The following HPSE2 variants were observed in gnomAD, a reference collection of about 807,000 sequenced individuals.
HPSE2 encodes inactive heparanase-2.
Under a neutral mutation model 60.5 loss-of-function variants are expected in HPSE2, and 38 were observed. The ratio of observed to expected loss-of-function variants is 0.63; its 90% CI spans 0.48 to 0.82. The LOEUF is 0.82. HPSE2 is among the 40% of genes least tolerant of loss of function. HPSE2 has a pLI of 0.00. For missense variants in HPSE2, 713 were observed against 740.4 expected (o/e 0.96, Z 0.43); for synonymous variants, 295 against 293.2 (o/e 1.01, Z -0.06).
intron 3 of HPSE2, among the ~76,000 whole-genome samples, chr10:98,815,968 A>G (rs539509597): frequency 5.8e-4 from 83 of 143,490 alleles, no homozygotes; most frequent in African/African-American, 1.9e-3. Flanking sequence ...ATAGGTGGGA[A>G]TTGAACAATG....
At chr10:98,762,440 G>C (rs1950027436) in intron 3 of HPSE2, among the ~76,000 whole-genome samples, 1 of 152,168 alleles carries the variant, frequency 6.6e-6, no homozygotes, top group African/African-American at 2.4e-5. Flanking sequence ...GAGAACACTG[G>C]AGAAGGGGAC....
intron 3 of HPSE2, among the ~76,000 whole-genome samples, chr10:98,887,145 T>C (rs1366730569): frequency 9.9e-5 from 15 of 152,174 alleles, no homozygotes. Context: ...AATGGTCTTA[T>C]AGAACACAAA....
In HPSE2 at chr10:98,459,725, T is replaced by A. The variant is rs397515452; in HGVS notation, c.1628A>T (p.Asn543Ile). ...GTCCACCATCACTAAGGGCTGGCCATTCAGTTGCACTGACCTACAGTGAGG... is the reference window on the plus strand; with the variant it reads ...GTCCACCATCACTAAGGGCTGGCCAATCAGTTGCACTGACCTACAGTGAGG... ...EGLKSKSVQL[N>I]GQPLVMVDDG... Residue 543 changes from asparagine (N) to isoleucine (I), a missense_variant, in exon 12 of 12, where the codon AAT becomes ATT. Coordinates refer to ENST00000370552, the MANE Select transcript of HPSE2 (RefSeq NM_021828.5). 1.2e-6 allele frequency: 2 copies of A among 1,613,706 alleles called. No homozygotes were observed. Among genetic ancestry groups the A allele is most frequent in the South Asian group, 2.2e-5 (2 of 90,994 alleles).
chr10:98,496,106 T>G (rs1941829454), intron 9 of HPSE2, among the ~76,000 whole-genome samples: 1 of 152,020 alleles, frequency 6.6e-6, no homozygotes, highest in Non-Finnish European at 1.5e-5. Flanking sequence ...TATTGTAGGC[T>G]GCCTCTGTGC....
At chr10:99,308,379 C>CAAAAAAAAAAAAA in the HPSE2 span, among the ~76,000 whole-genome samples, 40 of 28,118 alleles carry the variant, frequency 1.4e-3, 3 homozygotes, top group African/African-American at 3.6e-3. Flanking sequence ...GACTCTGTCT[C>CAAAAAAAAAAAAA]AAAAAAAAAA....
At chr10:99,040,909 A>G (rs1957722974) in intron 3 of HPSE2, among the ~76,000 whole-genome samples, 1 of 151,976 alleles carries the variant, frequency 6.6e-6, no homozygotes, top group African/African-American at 2.4e-5. Context: ...ACACAGTGAA[A>G]CCCTGTCTCT....
chr10:99,105,226 T>C (rs1844195321), intron 3 of HPSE2, among the ~76,000 whole-genome samples: 1 of 152,078 alleles, frequency 6.6e-6, no homozygotes, highest in Admixed American at 6.5e-5. Flanking sequence ...ACAGATAGTA[T>C]TTATGTGTCT....
chr10:98,605,930 A>G (rs1320577217), intron 9 of HPSE2, among the ~76,000 whole-genome samples: 1 of 152,182 alleles, frequency 6.6e-6, no homozygotes, highest in Non-Finnish European at 1.5e-5. Context: ...CAGCCTCTCT[A>G]ATGGCTGCCT....
At chr10:98,691,307 A>G (rs1055970477) in intron 6 of HPSE2, among the ~76,000 whole-genome samples, 5 of 152,162 alleles carry the variant, frequency 3.3e-5, no homozygotes, top group Non-Finnish European at 5.9e-5. Context: ...CTTGCTTTTT[A>G]GGGTATTTTT....
chr10:98,561,165 G>GTTTTTTTTTTTTGT, intron 9 of HPSE2, among the ~76,000 whole-genome samples: 1 of 145,068 alleles, frequency 6.9e-6, no homozygotes, highest in South Asian at 2.2e-4. Flanking sequence ...TTTTTTTTTT[G>GTTTTTTTTTTTTGT]TTCTTTTTTT....
At chr10:99,071,006 A>G (rs1228148644) in intron 3 of HPSE2, among the ~76,000 whole-genome samples, 1 of 151,646 alleles carries the variant, frequency 6.6e-6, no homozygotes. Flanking sequence ...CCTGTTCTCA[A>G]TTATTTTGTA....
chr10:99,285,502 A>AGG, the HPSE2 span, among the ~76,000 whole-genome samples: 1 of 102,154 alleles, frequency 9.8e-6, no homozygotes, highest in African/African-American at 4.6e-5. Context: ...GAGGGAGGGA[A>AGG]AGGAAAGGGA....
At chr10:99,151,073 A>G (rs1462317466) in intron 2 of HPSE2, among the ~76,000 whole-genome samples, 1 of 152,144 alleles carries the variant, frequency 6.6e-6, no homozygotes, top group African/African-American at 2.4e-5. Context: ...AAAAAGATAT[A>G]AAGTCCAAAT....
intron 3 of HPSE2, among the ~76,000 whole-genome samples, chr10:98,996,252 C>T (rs1277558613): frequency 6.6e-6 from 1 of 152,092 alleles, no homozygotes; most frequent in Non-Finnish European, 1.5e-5. Flanking sequence ...TGGGAACTTG[C>T]AACTCTTCTG....
chr10:98,821,643 C>T (rs761275583), intron 3 of HPSE2, among the ~76,000 whole-genome samples: 37 of 152,142 alleles, frequency 2.4e-4, no homozygotes, highest in Non-Finnish European at 1.2e-4. Context: ...CACCAACAGC[C>T]GTTACGCCTT....
chr10:98,990,182 G>C (rs1009520961), intron 3 of HPSE2, among the ~76,000 whole-genome samples: 1 of 152,182 alleles, frequency 6.6e-6, no homozygotes, highest in Non-Finnish European at 1.5e-5. Flanking sequence ...CTTGCCATTT[G>C]CTGATAGGGT....
chr10:99,253,897 C>T, the HPSE2 span, among the ~76,000 whole-genome samples: 16 of 152,088 alleles, frequency 1.1e-4, no homozygotes, highest in African/African-American at 3.9e-4. Context: ...CAAATAAAAC[C>T]ACAATGAGTT....
intron 5 of HPSE2, among the ~76,000 whole-genome samples, chr10:98,710,391 C>T (rs988985733): frequency 1.8e-4 from 27 of 152,036 alleles, no homozygotes; most frequent in African/African-American, 4.3e-4. Flanking sequence ...ATATGTTTGT[C>T]GACTTTAATG....
At chr10:98,862,721 C>T (rs866744856) in intron 3 of HPSE2, among the ~76,000 whole-genome samples, 18 of 152,154 alleles carry the variant, frequency 1.2e-4, no homozygotes, top group African/African-American at 4.3e-4. Flanking sequence ...TAAGGAGGGG[C>T]GATTAGGACT....
Sources: gnomAD v4.1 joint callset for allele counts (sites outside exome capture counted in the v4.1 genomes callset) on GRCh38, gnomAD v4.1.1 for gene constraint, MANE v1.5 for transcripts, NCBI Gene and HGNC (gene_info 2026-07-23, HGNC 2026-07-21) for gene names.